FLT3: variants seen among roughly 807,000 people sequenced by gnomAD.
The protein encoded by FLT3 is fms related receptor tyrosine kinase 3.
In FLT3, 46 loss-of-function variants were observed where a neutral mutation model predicts 126.6. The ratio of observed to expected loss-of-function variants is 0.36; its 90% CI spans 0.29 to 0.46. The LOEUF is 0.46. FLT3 is among the 20% of genes least tolerant of loss of function. FLT3 has a pLI of 1.00. For missense variants in FLT3, 1,069 were observed against 1,190.3 expected, an observed-to-expected ratio of 0.90 and a Z score of 1.50; for synonymous variants, 404 against 434.4, an observed-to-expected ratio of 0.93 and a Z score of 0.87.
At chr13:28,080,942 A>G (rs1878266399) in intron 1 of FLT3, among the ~76,000 whole-genome samples, 1 of 152,124 alleles carries the variant, frequency 6.6e-6, no homozygotes, top group African/African-American at 2.4e-5. Context: ...TTGACCATAT[A>G]TTTTTGGTCA....
At chr13:28,027,598 G>A (rs1324564245) in intron 16 of FLT3, among the ~76,000 whole-genome samples, 1 of 152,152 alleles carries the variant, frequency 6.6e-6, no homozygotes, top group East Asian at 1.9e-4. Context: ...GCTTGAGGAG[G>A]GAGAAATATA....
At chr13:28,048,847 G>A (rs1593259848) in intron 8 of FLT3, among the ~76,000 whole-genome samples, 1 of 152,166 alleles carries the variant, frequency 6.6e-6, no homozygotes, top group African/African-American at 2.4e-5. Flanking sequence ...AATCTGCTAA[G>A]AGCATCGCTG....
chr13:28,033,887 C>G lies in FLT3; in HGVS notation c.1942G>C (p.Glu648Gln). The G allele has an allele frequency of 6.2e-7, 1 of 1,611,914 alleles. No individual in the cohort carries two copies. Among genetic ancestry groups the G allele is most frequent in the South Asian group, 1.1e-5 (1 of 91,022 alleles). The stretch of plus-strand genomic sequence containing the variant: ...TTGCTGTCCTTCCACTATACTGTAC[C>G]TTTCAGCATTTTGACGGCAACCTGG... ...SIQVAVKMLKEKADSSEREAL... is the reference protein window; with the variant it reads ...SIQVAVKMLKQKADSSEREAL... The change falls in exon 15 of 24, where the codon GAA (glutamate) becomes CAA (glutamine). Residue 648 changes from glutamate to glutamine, a missense_variant and splice_region_variant. Transcript: ENST00000241453.
chr13:28,015,531 CGA>C (rs997682427), intron 21 of FLT3, 57 bp downstream of exon 21: 2 of 943,924 alleles, frequency 2.1e-6, no homozygotes, highest in African/African-American at 3.3e-5. Flanking sequence ...GGGGCGGCAC[CGA>C]GAGAGCAGAG....
Position 28,100,478 on chromosome 13 carries a change from C to T in FLT3, c.33G>A (p.Leu11=). MPALARDGGQ[L]PLLVVFSAMI... is the part of the protein sequence containing the mutation. ...CGAGCGGGGCCTTACCGAGCAGCGG[C>T]AGCTGGCCGCCGTCGCGCGCCAACG... The change falls in exon 1 of 24, where the codon CTG becomes CTA. Residue 11 remains leucine, a synonymous_variant. Coordinates refer to ENST00000241453, the MANE Select transcript of FLT3 (RefSeq NM_004119.3). This position sits in a 1 kb window ranked among gnomAD's most constrained non-coding sequence, Gnocchi z 4.8. 8.2e-7 allele frequency: 1 copy of T among 1,217,650 alleles called. No individual in the cohort carries two copies. Among genetic ancestry groups the T allele is most frequent in the Non-Finnish European group, 1.0e-6 (1 of 978,942 alleles). 75.4% of individuals were successfully genotyped at this position (1,217,650 alleles called of 1,614,324 possible). A position where few individuals can be genotyped will look rare whatever the true frequency, so the allele number is the denominator to read the frequency against.
intron 23 of FLT3, among the ~76,000 whole-genome samples, chr13:28,009,763 T>A (rs796699333): frequency 3.9e-4 from 60 of 152,240 alleles, no homozygotes; most frequent in African/African-American, 1.4e-3. Context: ...GGTTTTACCA[T>A]GTTGCCCAGA....
At chr13:28,062,582 A>G (rs1475501213) in intron 2 of FLT3, among the ~76,000 whole-genome samples, 3 of 151,902 alleles carry the variant, frequency 2.0e-5, no homozygotes, top group Non-Finnish European at 4.4e-5. Flanking sequence ...ATGTCTACTA[A>G]AAATACAAAA....
intron 23 of FLT3, among the ~76,000 whole-genome samples, chr13:28,011,888 C>T (rs1173076794): frequency 4.6e-5 from 7 of 152,046 alleles, no homozygotes; most frequent in African/African-American, 1.4e-4. Context: ...ACATCCACCT[C>T]CCAGGTTCAA....
intron 19 of FLT3, 69 bp from the exon 20 acceptor site, chr13:28,018,658 A>T (rs947624052): frequency 6.5e-7 from 1 of 1,549,628 alleles, no homozygotes. Flanking sequence ...TCTTTCTTCT[A>T]GACTCAACTT....
At chr13:28,096,057 T>A (rs1315905485) in intron 1 of FLT3, among the ~76,000 whole-genome samples, 2 of 152,156 alleles carry the variant, frequency 1.3e-5, no homozygotes, top group East Asian at 3.9e-4. Flanking sequence ...TATATCTCCA[T>A]TTTTAAGTAG....
intron 15 of FLT3, among the ~76,000 whole-genome samples, chr13:28,031,824 G>A (rs541863122): frequency 1.7e-4 from 26 of 152,264 alleles, no homozygotes; most frequent in African/African-American, 6.0e-4. Flanking sequence ...CCAGCCATGC[G>A]GGTGGTGGAG....
intron 23 of FLT3, among the ~76,000 whole-genome samples, chr13:28,004,895 T>G (rs1295231476): frequency 6.6e-6 from 1 of 152,218 alleles, no homozygotes; most frequent in African/African-American, 2.4e-5. Context: ...ATTATGGAGT[T>G]AATACAAGGG....
At position 28,034,198 on chromosome 13, in the gene FLT3, C is replaced by T. The variant is rs1873619788; in HGVS notation, c.1721G>A (p.Ser574Asn). 1.2e-6 allele frequency: 2 copies of T among 1,614,018 alleles called. No homozygotes were observed. The highest frequency in any genetic ancestry group is 1.3e-5 in the African/African-American group (1 of 75,052). ...GGTCACCTGTACCATCTGTAGCTGG[C>T]TTTCATACCTAAATTGCTTCAGAGA... ...HKYKKQFRYESQLQMVQVTGS... is the reference protein window; with the variant it reads ...HKYKKQFRYENQLQMVQVTGS... Residue 574 changes from serine (S) to asparagine (N), a missense_variant, in exon 14 of 24, where the codon AGC becomes AAC. Physicochemically the swap from Ser to Asn is conservative, Grantham distance 46. Transcript: ENST00000241453.
At chr13:28,006,029 C>A (rs761562748) in intron 23 of FLT3, among the ~76,000 whole-genome samples, 1 of 151,800 alleles carries the variant, frequency 6.6e-6, no homozygotes, top group Non-Finnish European at 1.5e-5. Flanking sequence ...GAGGCCGGGG[C>A]GGGAGGATTG....
At chr13:28,009,161 C>T (rs538393086) in intron 23 of FLT3, 17 of 148,888 alleles carry the variant, frequency 1.1e-4, no homozygotes, top group African/African-American at 4.2e-4. Flanking sequence ...TTTTCTATTT[C>T]CATGAACTCT....
At chr13:28,086,751 A>G (rs1393387423) in intron 1 of FLT3, among the ~76,000 whole-genome samples, 4 of 151,886 alleles carry the variant, frequency 2.6e-5, no homozygotes, top group East Asian at 1.9e-4. Context: ...GGTTCAAGCA[A>G]TACTTCTGCC....
intron 9 of FLT3, among the ~76,000 whole-genome samples, chr13:28,042,874 T>C (rs73154813): frequency 0.043 from 2,737 of 64,236 alleles, 82 homozygotes; most frequent in African/African-American, 0.11. Context: ...CTTCAGAAAA[T>C]AGGAAAAAAA....
chr13:28,070,621 CAAAAT>C lies in FLT3; in HGVS notation c.44-14_44-10del, dbSNP rs1420811916. On this transcript the variant is annotated splice_polypyrimidine_tract_variant and intron_variant, in intron 1 of 23. Coordinates refer to ENST00000241453, the MANE Select transcript of FLT3 (RefSeq NM_004119.3). ...CATTGCAGAAAAAACAACTGTAAAA[CAAAAT>C]AAAAATGATAATGTTGATACATGCA... 6.3e-7 allele frequency: 1 copy of C among 1,586,866 alleles called. No homozygotes were observed. Among genetic ancestry groups the C allele is most frequent in the African/African-American group, 1.3e-5 (1 of 74,304 alleles).
In FLT3 at chr13:28,034,091, A is replaced by T. The variant is rs2137674537; in HGVS notation, c.1828T>A (p.Leu610Ile). Residue 610 changes from leucine (L) to isoleucine (I), a missense_variant, in exon 14 of 24, where the codon TTA becomes ATA. By Grantham distance (5) the Leu-to-Ile change is conservative (BLOSUM62 2). Coordinates refer to ENST00000241453, the MANE Select transcript of FLT3 (RefSeq NM_004119.3). ...DLKWEFPRENLEFGKVLGSGA... is the reference protein window; with the variant it reads ...DLKWEFPRENIEFGKVLGSGA... ...CACATTCCATTCTTACCAAACTCTA[A>T]ATTTTCTCTTGGAAACTCCCATTTG... 6.2e-6 allele frequency: 10 copies of T among 1,613,522 alleles called. No homozygotes were observed. The highest frequency in any genetic ancestry group is 8.5e-6 in the Non-Finnish European group (10 of 1,179,914).
Sources: gnomAD v4.1 joint callset for allele counts (sites outside exome capture counted in the v4.1 genomes callset) on GRCh38, gnomAD v4.1.1 for gene constraint, Gnocchi (gnomAD v3.1) non-coding constraint, MANE v1.5 for transcripts, NCBI Gene and HGNC (gene_info 2026-07-23, HGNC 2026-07-21) for gene names.